The following SPTLC1 variants were observed in gnomAD, a reference collection of about 807,000 sequenced individuals.
The protein encoded by SPTLC1 is serine palmitoyltransferase long chain base subunit 1, also known as serine palmitoyltransferase 1.
SPTLC1 carries 55 observed loss-of-function variants against 68.9 expected under a neutral mutation model. That is an observed-to-expected ratio of 0.80 (90% CI 0.64 to 1.00). SPTLC1 has a LOEUF of 1.00. Ranked by LOEUF, SPTLC1 falls within the 50% of genes least tolerant of loss-of-function variation. The pLI, the probability that SPTLC1 is intolerant of heterozygous loss-of-function variation, is 0.00. For missense variants in SPTLC1, 449 were observed against 573.1 expected, an observed-to-expected ratio of 0.78 and a Z score of 2.21; for synonymous variants, 197 against 201.6, an observed-to-expected ratio of 0.98 and a Z score of 0.19.
At chr9:92,067,035 C>T (rs1391781170) in intron 6 of SPTLC1, among the ~76,000 whole-genome samples, 6 of 151,724 alleles carry the variant, frequency 4.0e-5, no homozygotes, top group African/African-American at 7.3e-5. Context: ...CGGTGGCTCA[C>T]GCCTGTAATC....
At chr9:92,102,025 C>T (rs1835773084) in intron 3 of SPTLC1, among the ~76,000 whole-genome samples, 1 of 152,076 alleles carries the variant, frequency 6.6e-6, no homozygotes, top group Admixed American at 6.5e-5. Context: ...AGAAAAACTT[C>T]TAAAATTAGC....
intron 3 of SPTLC1, among the ~76,000 whole-genome samples, chr9:92,099,450 ATAAGAG>A (rs1490371822): frequency 6.6e-5 from 10 of 151,892 alleles, no homozygotes; most frequent in African/African-American, 2.4e-4. Flanking sequence ...CAGTGGTCCT[ATAAGAG>A]TAAAATACTG....
intron 3 of SPTLC1, among the ~76,000 whole-genome samples, chr9:92,089,078 G>A (rs1044002016): frequency 6.6e-6 from 1 of 152,204 alleles, no homozygotes; most frequent in Non-Finnish European, 1.5e-5. Context: ...GTGCTCCCAA[G>A]AGCATAAACA....
Position 92,032,287 on chromosome 9 carries a change from A to T in SPTLC1, c.*178T>A, listed in dbSNP as rs184220566. 7.1e-4 allele frequency: 1,092 copies of T among 1,529,302 alleles called. 2 individuals are homozygous for T. The highest frequency in any genetic ancestry group is 2.8e-3 in the Admixed American group (138 of 49,942). 94.7% of individuals were successfully genotyped at this position (1,529,302 alleles called of 1,614,324 possible). A position where few individuals can be genotyped will look rare whatever the true frequency, so the allele number is the denominator to read the frequency against. ...GGGCTTTTAGATGTGTTTTCTTTTT[A>T]AAAAAAATAAGCATCCTTCTCATGG... On this transcript the variant is annotated 3_prime_UTR_variant, in exon 15 of 15. Transcript: ENST00000262554.
intron 13 of SPTLC1, among the ~76,000 whole-genome samples, chr9:92,037,486 G>A (rs1470602710): frequency 6.6e-6 from 1 of 152,164 alleles, no homozygotes; most frequent in African/African-American, 2.4e-5. Flanking sequence ...GGGGTGCAAG[G>A]TGGGTGGCAT....
chr9:92,047,533 C>T (rs910047495), intron 10 of SPTLC1, 80 bp downstream of exon 10: 5 of 940,214 alleles, frequency 5.3e-6, no homozygotes, highest in African/African-American at 3.4e-5. Flanking sequence ...AGTAAAATTT[C>T]GTATTTCAAA....
intron 6 of SPTLC1, among the ~76,000 whole-genome samples, chr9:92,060,912 CA>C (rs200973343): frequency 9.0e-4 from 94 of 104,900 alleles, no homozygotes; most frequent in African/African-American, 1.2e-3. Flanking sequence ...GACTCTGTCT[CA>C]AAAAAAAAAA....
At chr9:92,087,309 G>A (rs1271734038) in intron 3 of SPTLC1, among the ~76,000 whole-genome samples, 5 of 152,348 alleles carry the variant, frequency 3.3e-5, no homozygotes, top group African/African-American at 7.2e-5. Context: ...TTTGGAGGAG[G>A]AGAGGCTCTC....
At chr9:92,080,750 G>A in intron 4 of SPTLC1, 120 bp downstream of exon 4, 1 of 790,178 alleles carries the variant, frequency 1.3e-6, no homozygotes, top group Non-Finnish European at 2.2e-6. Flanking sequence ...ATGTTGGCCA[G>A]GCTGGTCTTA....
intron 7 of SPTLC1, among the ~76,000 whole-genome samples, chr9:92,058,249 T>G (rs1346151825): frequency 6.6e-6 from 1 of 151,464 alleles, no homozygotes; most frequent in Non-Finnish European, 1.5e-5. Context: ...GTGATGCACT[T>G]AGGCTGACAC....
chr9:92,047,365 T>A, intron 10 of SPTLC1, 97 bp from the exon 11 acceptor site: 1 of 1,019,998 alleles, frequency 9.8e-7, no homozygotes, highest in Non-Finnish European at 1.5e-6. Flanking sequence ...CTGAACAGTG[T>A]GTACATGTGG....
chr9:92,093,906 T>A (rs549853354), intron 3 of SPTLC1, among the ~76,000 whole-genome samples: 1 of 152,302 alleles, frequency 6.6e-6, no homozygotes, highest in African/African-American at 2.4e-5. Context: ...AATCTAGAAT[T>A]CATGAGAACT....
At chr9:92,047,149 C>T in intron 11 of SPTLC1, 23 bp downstream of exon 11, 4 of 1,578,792 alleles carry the variant, frequency 2.5e-6, no homozygotes, top group African/African-American at 1.4e-5. Context: ...TCTTTGATTC[C>T]TTGGGTTTTT....
chr9:92,097,650 C>A (rs1835579277), intron 3 of SPTLC1, among the ~76,000 whole-genome samples: 1 of 152,134 alleles, frequency 6.6e-6, no homozygotes, highest in Non-Finnish European at 1.5e-5. Flanking sequence ...TAAATGGTTG[C>A]TAAGGCCTGG....
chr9:92,092,692 G>A (rs902183969), intron 3 of SPTLC1, among the ~76,000 whole-genome samples: 5 of 152,218 alleles, frequency 3.3e-5, no homozygotes, highest in Admixed American at 1.3e-4. Flanking sequence ...CCGAGATTGC[G>A]CCACTGCACT....
intron 5 of SPTLC1, among the ~76,000 whole-genome samples, chr9:92,068,386 C>A (rs1036655559): frequency 6.6e-6 from 1 of 152,250 alleles, no homozygotes; most frequent in Non-Finnish European, 1.5e-5. Flanking sequence ...TGTAAGACTT[C>A]AAGGCCTACC....
At chr9:92,036,744 A>C (rs188760436) in intron 13 of SPTLC1, among the ~76,000 whole-genome samples, 1 of 152,362 alleles carries the variant, frequency 6.6e-6, no homozygotes, top group African/African-American at 2.4e-5. Context: ...TTAATGTATA[A>C]ATGCGTTTTA....
At chr9:92,039,317 A>G (rs1017400309) in intron 12 of SPTLC1, among the ~76,000 whole-genome samples, 3 of 152,198 alleles carry the variant, frequency 2.0e-5, no homozygotes, top group Non-Finnish European at 4.4e-5. Context: ...TCTCAAGGAG[A>G]AAGATAGATC....
At chr9:92,081,793 T>C (rs1342255802) in intron 3 of SPTLC1, among the ~76,000 whole-genome samples, 6 of 152,180 alleles carry the variant, frequency 3.9e-5, no homozygotes, top group African/African-American at 1.4e-4. Context: ...GGACTATGTA[T>C]CTGTACTGGT....
Sources: gnomAD v4.1 joint callset for allele counts (sites outside exome capture counted in the v4.1 genomes callset) on GRCh38, gnomAD v4.1.1 for gene constraint, MANE v1.5 for transcripts, NCBI Gene and HGNC (gene_info 2026-07-23, HGNC 2026-07-21) for gene names.